MIR2052HG: variants seen among roughly 807,000 people sequenced by gnomAD.
MIR2052HG encodes the protein MIR2052 host gene.
chr8:74,752,232 T>C (rs1055776457), intron 4 of MIR2052HG, among the ~76,000 whole-genome samples: 1 of 143,394 alleles, frequency 7.0e-6, no homozygotes, highest in African/African-American at 2.6e-5. Flanking sequence ...CAGTGAGCCA[T>C]CATCCCTCCA....
At chr8:74,625,973 G>C (rs1808428952) in intron 2 of MIR2052HG, among the ~76,000 whole-genome samples, 1 of 152,052 alleles carries the variant, frequency 6.6e-6, no homozygotes, top group African/African-American at 2.4e-5. Context: ...ATGAATATTT[G>C]GGAACATCAC....
chr8:74,617,407 A>G (rs1808298707), intron 2 of MIR2052HG, among the ~76,000 whole-genome samples: 1 of 152,012 alleles, frequency 6.6e-6, no homozygotes, highest in Non-Finnish European at 1.5e-5. Flanking sequence ...CCATGCTGCT[A>G]CAAAAGACAT....
intron 2 of MIR2052HG, among the ~76,000 whole-genome samples, chr8:74,652,650 G>C (rs76711952): frequency 0.045 from 6,807 of 152,116 alleles, 226 homozygotes; most frequent in Non-Finnish European, 0.053. Context: ...GGGTTCTCTG[G>C]GGTGGGTGGA....
chr8:74,730,871 T>A (rs1198498103), intron 4 of MIR2052HG, among the ~76,000 whole-genome samples: 1 of 152,158 alleles, frequency 6.6e-6, no homozygotes, highest in African/African-American at 2.4e-5. Flanking sequence ...GGTGAGAATA[T>A]ATACAGGATC....
At chr8:74,753,719 A>T (rs568008788) in intron 5 of MIR2052HG, among the ~76,000 whole-genome samples, 1 of 152,286 alleles carries the variant, frequency 6.6e-6, no homozygotes, top group South Asian at 2.1e-4. Context: ...CAGGACCTTC[A>T]TTCAATCATC....
At chr8:74,681,657 G>C (rs2128739118) in intron 2 of MIR2052HG, among the ~76,000 whole-genome samples, 1 of 152,154 alleles carries the variant, frequency 6.6e-6, no homozygotes, top group Admixed American at 6.5e-5. Context: ...CCTGGGATTG[G>C]GCTCCTGATA....
rs922180641 is a variant in MIR2052HG, at chr8:74,638,232, C to T, written n.216+25292C>T. Among the ~76,000 whole-genome samples, 3 of 151,914 alleles carry T rather than the reference C, an allele frequency of 2.0e-5. No homozygotes were observed. In the East Asian group the frequency reaches 5.8e-4, roughly 29 times the overall value. ...CCTAGGCTAATGAGAAAGTGTGGAG[C>T]CTTCAAATCTTCAAATAATTGTGAC... On this transcript the variant is annotated intron_variant and non_coding_transcript_variant, in intron 2 of 6. Coordinates refer to ENST00000523442, the Ensembl canonical transcript of MIR2052HG.
At chr8:74,630,528 G>GAAAA (rs200428495) in intron 2 of MIR2052HG, among the ~76,000 whole-genome samples, 11 of 126,070 alleles carry the variant, frequency 8.7e-5, no homozygotes, top group East Asian at 4.6e-4. Context: ...AGATTTCTCT[G>GAAAA]AAAAAAAAAA....
intron 4 of MIR2052HG, among the ~76,000 whole-genome samples, chr8:74,724,262 G>A (rs149419764): frequency 4.6e-5 from 7 of 152,170 alleles, no homozygotes; most frequent in African/African-American, 1.4e-4. Context: ...AAAAAACCAT[G>A]TGCAGAATAT....
intron 4 of MIR2052HG, among the ~76,000 whole-genome samples, chr8:74,748,227 G>A (rs2128756442): frequency 6.6e-6 from 1 of 152,288 alleles, no homozygotes; most frequent in African/African-American, 2.4e-5. Flanking sequence ...ATGACTTGAT[G>A]GACCTGTTAA....
intron 2 of MIR2052HG, among the ~76,000 whole-genome samples, chr8:74,654,442 G>A (rs7014072): frequency 0.03 from 4,583 of 152,110 alleles, 98 homozygotes; most frequent in Non-Finnish European, 0.042. Flanking sequence ...TATATCTCCC[G>A]GAACTCCCCC....
intron 4 of MIR2052HG, among the ~76,000 whole-genome samples, chr8:74,727,938 G>A (rs1217962127): frequency 6.6e-6 from 1 of 150,704 alleles, no homozygotes; most frequent in Non-Finnish European, 1.5e-5. Context: ...GTGCATGTAG[G>A]ATGAACTTTC....
chr8:74,638,613 G>T (rs1330938622), intron 2 of MIR2052HG, among the ~76,000 whole-genome samples: 1 of 152,142 alleles, frequency 6.6e-6, no homozygotes, highest in East Asian at 1.9e-4. Flanking sequence ...AGGAGACAAA[G>T]AAGTCAGTGA....
chr8:74,758,152 T>G (rs1242886437), intron 6 of MIR2052HG: 1 of 152,118 alleles, frequency 6.6e-6, no homozygotes, highest in Non-Finnish European at 1.5e-5. Flanking sequence ...ATGTTTTGGG[T>G]AAGATTTTTT....
chr8:74,714,670 C>T (rs112311975), intron 4 of MIR2052HG, among the ~76,000 whole-genome samples: 3,139 of 149,656 alleles, frequency 0.021, 92 homozygotes, highest in African/African-American at 0.071. Flanking sequence ...GTAATGAAAG[C>T]CTTCTTTGGG....
intron 4 of MIR2052HG, among the ~76,000 whole-genome samples, chr8:74,706,547 G>C: frequency 6.6e-6 from 1 of 152,074 alleles, no homozygotes; most frequent in Non-Finnish European, 1.5e-5. Context: ...TATGTGCAAT[G>C]TTGGTTCTTG....
chr8:74,704,955 CTG>C (rs1809394910), intron 4 of MIR2052HG, among the ~76,000 whole-genome samples: 3 of 152,050 alleles, frequency 2.0e-5, no homozygotes, highest in African/African-American at 7.2e-5. Flanking sequence ...AATAATATCA[CTG>C]TGCTCTAAAG....
chr8:74,693,865 T>G (rs1490200849), intron 2 of MIR2052HG, among the ~76,000 whole-genome samples: 1 of 151,880 alleles, frequency 6.6e-6, no homozygotes, highest in African/African-American at 2.4e-5. Flanking sequence ...CACCTTAGGG[T>G]CTTTCCCTAT....
At chr8:74,679,222 G>A (rs1809091078) in intron 2 of MIR2052HG, among the ~76,000 whole-genome samples, 1 of 152,100 alleles carries the variant, frequency 6.6e-6, no homozygotes, top group African/African-American at 2.4e-5. Context: ...TACCCAGTGA[G>A]TAGTCTTTTA....
Sources: allele counts gnomAD v4.1 joint callset (sites outside exome capture counted in the v4.1 genomes callset), GRCh38; gene constraint gnomAD v4.1.1; transcripts MANE v1.5; gene names NCBI Gene and HGNC (gene_info 2026-07-23, HGNC 2026-07-21).